The following CGNL1 variants were observed in gnomAD, a reference collection of about 807,000 sequenced individuals.
The protein encoded by CGNL1 is cingulin-like protein 1.
A neutral mutation model predicts 141.2 loss-of-function variants in CGNL1; 132 were observed. The observed-to-expected ratio is 0.93, with a 90% CI of 0.81 to 1.08. CGNL1 has a LOEUF of 1.08. Among genes scored for constraint, CGNL1 ranks in the 50% least tolerant of loss-of-function variants. The pLI is 0.00. For missense variants in CGNL1, 1,870 were observed against 1,588.6 expected, an observed-to-expected ratio of 1.18 and a Z score of -3.01; for synonymous variants, 690 against 622.1, an observed-to-expected ratio of 1.11 and a Z score of -1.63.
At chr15:57,395,864 A>G (rs1416062873) in intron 1 of CGNL1, among the ~76,000 whole-genome samples, 1 of 129,522 alleles carries the variant, frequency 7.7e-6, no homozygotes, top group Non-Finnish European at 1.7e-5. Flanking sequence ...CAAGTTAAAA[A>G]ACATTTTTTT....
intron 14 of CGNL1, among the ~76,000 whole-genome samples, chr15:57,534,830 C>T (rs1352573668): frequency 6.6e-6 from 1 of 152,208 alleles, no homozygotes; most frequent in Non-Finnish European, 1.5e-5. Flanking sequence ...AAAGAGAATG[C>T]ATGGGATATT....
At chr15:57,460,429 A>T (rs1277251249) in intron 7 of CGNL1, among the ~76,000 whole-genome samples, 1 of 152,218 alleles carries the variant, frequency 6.6e-6, no homozygotes, top group Non-Finnish European at 1.5e-5. Context: ...ATTCAAGAGT[A>T]TGGGTAGGAA....
At chr15:57,533,588 C>G (rs771553146) in intron 14 of CGNL1, among the ~76,000 whole-genome samples, 3 of 152,096 alleles carry the variant, frequency 2.0e-5, no homozygotes, top group Admixed American at 6.6e-5. Context: ...GTAATGAGGC[C>G]GTTACAACAG....
At chr15:57,454,132 A>G (rs2063352617) in intron 7 of CGNL1, among the ~76,000 whole-genome samples, 1 of 152,186 alleles carries the variant, frequency 6.6e-6, no homozygotes, top group Non-Finnish European at 1.5e-5. Context: ...GGGAATAAGT[A>G]TAATTGAGGG....
At chr15:57,450,199 A>G (rs1180338548) in intron 4 of CGNL1, among the ~76,000 whole-genome samples, 2 of 152,176 alleles carry the variant, frequency 1.3e-5, no homozygotes, top group Non-Finnish European at 2.9e-5. Flanking sequence ...CTGTTACTCC[A>G]CATCCTTGCC....
intron 8 of CGNL1, among the ~76,000 whole-genome samples, chr15:57,496,874 C>A (rs1342408437): frequency 8.5e-5 from 13 of 152,282 alleles, no homozygotes; most frequent in African/African-American, 3.1e-4. Context: ...AGCACAGTGT[C>A]TGGCCACCAA....
chr15:57,439,747 T>C (rs1220281699), intron 2 of CGNL1, 146 bp downstream of exon 2: 2 of 871,202 alleles, frequency 2.3e-6, no homozygotes, highest in East Asian at 2.7e-5. Flanking sequence ...CAGGATCCAG[T>C]TGTGTCCTAC....
intron 1 of CGNL1, among the ~76,000 whole-genome samples, chr15:57,402,380 G>A (rs1201133066): frequency 6.6e-6 from 1 of 152,210 alleles, no homozygotes; most frequent in Non-Finnish European, 1.5e-5. Context: ...TGCTTGCACA[G>A]CCTGCAGAAC....
At chr15:57,507,846 C>G (rs1317447402) in intron 8 of CGNL1, among the ~76,000 whole-genome samples, 2 of 152,204 alleles carry the variant, frequency 1.3e-5, no homozygotes, top group Non-Finnish European at 2.9e-5. Context: ...CTGACTTCTT[C>G]AAGTTCATTC....
At chr15:57,449,304 T>C (rs1441125831) in intron 4 of CGNL1, among the ~76,000 whole-genome samples, 1 of 152,218 alleles carries the variant, frequency 6.6e-6, no homozygotes, top group Non-Finnish European at 1.5e-5. Flanking sequence ...TACCCTGACC[T>C]TGAAATCCCT....
chr15:57,509,509 C>T (rs1183001126), intron 8 of CGNL1, among the ~76,000 whole-genome samples: 1 of 152,204 alleles, frequency 6.6e-6, no homozygotes, highest in Non-Finnish European at 1.5e-5. Context: ...GGTCCGTGTT[C>T]CTACAAGGAG....
chr15:57,380,037 CTT>C (rs1453731431), intron 1 of CGNL1, among the ~76,000 whole-genome samples: 2 of 152,010 alleles, frequency 1.3e-5, no homozygotes, highest in Admixed American at 6.6e-5. Context: ...ACTAAGGTGT[CTT>C]TTTGTTTTTG....
intron 13 of CGNL1, 110 bp from the exon 14 acceptor site, chr15:57,531,579 AT>A: frequency 1.4e-6 from 1 of 705,902 alleles, no homozygotes; most frequent in Non-Finnish European, 2.6e-6. Context: ...CCAAACTCTA[AT>A]GGTAGTTAGC....
chr15:57,487,184 G>C (rs879650130), intron 8 of CGNL1, among the ~76,000 whole-genome samples: 3 of 152,198 alleles, frequency 2.0e-5, no homozygotes, highest in Non-Finnish European at 2.9e-5. Context: ...GGGAAGAGAT[G>C]AATATTTGCA....
intron 8 of CGNL1, among the ~76,000 whole-genome samples, chr15:57,465,383 C>CT (rs11332989): frequency 0.13 from 10,625 of 80,824 alleles, 804 homozygotes; most frequent in South Asian, 0.2. Context: ...TAAAAACTGA[C>CT]TTTTTTTTTT....
In CGNL1 at chr15:57,532,402, C is replaced by T. The variant is rs184502788; in HGVS notation, c.3291+623C>T. Among the ~76,000 whole-genome samples the T allele has an allele frequency of 2.7e-4, 41 of 152,292 alleles. 1 individual carries two copies. Among genetic ancestry groups the T allele is most frequent in the Middle Eastern group, 6.8e-3 (2 of 294 alleles). ...TTTCCTCGTGATCTCACTGCTCTCC[C>T]CAGATCTCACTTGCCACTCCCAGTC... On this transcript the variant is annotated intron_variant, in intron 14 of 18. Coordinates refer to ENST00000281282, the MANE Select transcript of CGNL1 (RefSeq NM_032866.5).
intron 18 of CGNL1, among the ~76,000 whole-genome samples, chr15:57,546,456 A>G (rs1196123223): frequency 1.3e-5 from 2 of 152,174 alleles, no homozygotes; most frequent in Admixed American, 1.3e-4. Context: ...CAATGCCCCA[A>G]TGCCAGCTGA....
chr15:57,508,112 C>T (rs896176190), intron 8 of CGNL1, among the ~76,000 whole-genome samples: 7 of 152,258 alleles, frequency 4.6e-5, no homozygotes, highest in Non-Finnish European at 7.4e-5. Flanking sequence ...GATGAATACC[C>T]TCTACTTCTT....
intron 1 of CGNL1, among the ~76,000 whole-genome samples, chr15:57,391,613 T>C (rs1321097741): frequency 6.6e-6 from 1 of 152,188 alleles, no homozygotes; most frequent in African/African-American, 2.4e-5. Flanking sequence ...GTGGTTTACA[T>C]AAGAATAAAA....
Sources: gnomAD v4.1 joint callset for allele counts (sites outside exome capture counted in the v4.1 genomes callset) on GRCh38, gnomAD v4.1.1 for gene constraint, MANE v1.5 for transcripts, NCBI Gene and HGNC (gene_info 2026-07-23, HGNC 2026-07-21) for gene names.